TTC8: variants seen among roughly 807,000 people sequenced by gnomAD.
The protein encoded by TTC8 is tetratricopeptide repeat protein 8.
TTC8 carries 47 observed loss-of-function variants against 72.5 expected under a neutral mutation model. The observed-to-expected ratio is 0.65, with a 90% CI of 0.51 to 0.83. TTC8 has a LOEUF of 0.83. Ranked by LOEUF, TTC8 falls within the 40% of genes least tolerant of loss-of-function variation. The pLI is 0.00. For missense variants in TTC8, 611 were observed against 623.2 expected (o/e 0.98, Z 0.21); for synonymous variants, 199 against 221.4 (o/e 0.90, Z 0.90).
At chr14:88,866,180 A>C (rs1187258419) in intron 10 of TTC8, among the ~76,000 whole-genome samples, 1 of 152,184 alleles carries the variant, frequency 6.6e-6, no homozygotes, top group Non-Finnish European at 1.5e-5. Flanking sequence ...CATAATAGCA[A>C]AGATTGATAA....
At chr14:88,849,940 T>G (rs910697752) in intron 7 of TTC8, among the ~76,000 whole-genome samples, 2 of 152,178 alleles carry the variant, frequency 1.3e-5, no homozygotes. Context: ...TTCATCATCC[T>G]GAAGTTGTTA....
chr14:88,838,804 C>A (rs1207927094), intron 2 of TTC8, among the ~76,000 whole-genome samples: 1 of 152,044 alleles, frequency 6.6e-6, no homozygotes, highest in African/African-American at 2.4e-5. Flanking sequence ...TTTCTACTGA[C>A]TAGATCACAA....
rs553847423 is a variant in TTC8, at chr14:88,828,902, G to A, written c.114+4081G>A. On this transcript the variant is annotated intron_variant, in intron 1 of 14. Coordinates refer to ENST00000380656, the MANE Select transcript of TTC8 (RefSeq NM_144596.4). ...ATTATTGCCTTGTATTTTCTATTAG[G>A]ATTTCTGGATTTTATTTTTGATAGT... 6.6e-5 allele frequency among the ~76,000 whole-genome samples: 10 copies of A among 152,262 alleles called. No homozygotes were observed. In the South Asian group the frequency reaches 2.1e-3, roughly 32 times the overall value.
intron 9 of TTC8, among the ~76,000 whole-genome samples, chr14:88,858,723 AG>A (rs2141010283): frequency 6.9e-6 from 1 of 145,116 alleles, no homozygotes; most frequent in African/African-American, 2.6e-5. Context: ...CCTCCTGAGT[AG>A]CTGGGACCAC....
At chr14:88,863,077 GA>G (rs1194899976) in intron 10 of TTC8, among the ~76,000 whole-genome samples, 2 of 150,778 alleles carry the variant, frequency 1.3e-5, no homozygotes, top group African/African-American at 2.4e-5. Flanking sequence ...GAATGATGGG[GA>G]GGGGGTGGGT....
At position 88,872,375 on chromosome 14, in the gene TTC8, C is replaced by G. The variant is rs1299337597; in HGVS notation, c.1270C>G (p.Leu424Val). ...NLAHQCFRLA[L>V]VNNNNHAEAY... ...GGCCCATCAGTGCTTCAGGCTGGCT[C>G]TGGTCAACAACAACAACCACGCCGA... The change falls in exon 13 of 15, where the codon CTG (leucine) becomes GTG (valine). Residue 424 changes from leucine to valine, a missense_variant. Leu to Val is a conservative substitution (Grantham distance 32). Transcript: ENST00000380656. The G allele has an allele frequency of 6.2e-7, 1 of 1,614,002 alleles. No individual in the cohort carries two copies. Among genetic ancestry groups the G allele is most frequent in the Non-Finnish European group, 8.5e-7 (1 of 1,179,928 alleles).
At chr14:88,854,413 G>A (rs936805570) in intron 8 of TTC8, among the ~76,000 whole-genome samples, 2 of 152,164 alleles carry the variant, frequency 1.3e-5, no homozygotes, top group Non-Finnish European at 2.9e-5. Context: ...TTAATGGGCA[G>A]CTACTCTGCC....
rs1490715004 is a variant in TTC8, at chr14:88,841,183, T to C, written c.476T>C (p.Val159Ala). 8 of 1,614,034 alleles carry C rather than the reference T, an allele frequency of 5.0e-6. No homozygotes were observed. In the East Asian group the frequency reaches 1.8e-4, roughly 36 times the overall value. ...ATCACCAGCTCCTCCGGAAGATTTG[T>C]CAGGCTGGGAACGGTAAATTCTATC... ...RPITSSSGRF[V>A]RLGTASMLTS... The change falls in exon 5 of 15, where the codon GTC becomes GCC. Residue 159 changes from valine to alanine, a missense_variant. Coordinates refer to ENST00000380656, the MANE Select transcript of TTC8 (RefSeq NM_144596.4).
At chr14:88,849,044 G>T (rs527533548) in intron 7 of TTC8, among the ~76,000 whole-genome samples, 17 of 152,112 alleles carry the variant, frequency 1.1e-4, no homozygotes, top group African/African-American at 4.1e-4. Context: ...GGAGCAATTT[G>T]TTTTGTTCTT....
intron 10 of TTC8, among the ~76,000 whole-genome samples, chr14:88,862,052 C>G (rs976782379): frequency 6.6e-6 from 1 of 152,188 alleles, no homozygotes; most frequent in East Asian, 1.9e-4. Flanking sequence ...TGTGGAACCT[C>G]CATACTGTTT....
At chr14:88,872,114 G>T (rs1261915440) in intron 12 of TTC8, among the ~76,000 whole-genome samples, 1 of 152,150 alleles carries the variant, frequency 6.6e-6, no homozygotes, top group Non-Finnish European at 1.5e-5. Flanking sequence ...TCCAGGTTTG[G>T]CAGTAGTCTT....
chr14:88,881,029 A>G (rs2094970692), downstream of TTC8: 1 of 152,110 alleles, frequency 6.6e-6, no homozygotes, highest in South Asian at 2.1e-4. Context: ...CATATATATC[A>G]TTACAATCTT....
At chr14:88,825,450 C>T (rs772789534) in intron 1 of TTC8, among the ~76,000 whole-genome samples, 20 of 152,136 alleles carry the variant, frequency 1.3e-4, no homozygotes, top group Non-Finnish European at 2.2e-4. Context: ...GAAAGAAAGG[C>T]TCCTTACAAG....
intron 8 of TTC8, among the ~76,000 whole-genome samples, chr14:88,853,966 A>G: frequency 6.6e-6 from 1 of 152,180 alleles, no homozygotes; most frequent in East Asian, 1.9e-4. Flanking sequence ...TTCAGTTGTC[A>G]TTCAAGTACT....
At chr14:88,839,608 CCATTAAGAGGA>C (rs771283611) in intron 3 of TTC8, 36 bp downstream of exon 3, 1 of 1,607,518 alleles carries the variant, frequency 6.2e-7, no homozygotes, top group Admixed American at 1.7e-5. Context: ...TAATGAAATA[CCATTAAGAGGA>C]AGAATACTGT....
At chr14:88,861,432 G>A (rs1390010144) in intron 10 of TTC8, 100 bp downstream of exon 10, 2 of 843,522 alleles carry the variant, frequency 2.4e-6, no homozygotes, top group African/African-American at 3.4e-5. Context: ...AATGTGTAAT[G>A]ATCAAATCAG....
downstream of TTC8, chr14:88,878,399 T>C (rs999686856): frequency 6.6e-6 from 1 of 152,246 alleles, no homozygotes; most frequent in African/African-American, 2.4e-5. Context: ...CCATGTTATT[T>C]TTCATTTTTT....
intron 7 of TTC8, among the ~76,000 whole-genome samples, chr14:88,844,078 G>T (rs1358456927): frequency 4.0e-5 from 6 of 150,280 alleles, no homozygotes. Context: ...TCCAATAAAT[G>T]GGAAGATACA....
chr14:88,871,041 A>G lies in TTC8; in HGVS notation c.1050-508A>G, dbSNP rs1046081019. ...GTGTGAGAGCTAAGTGGATAATGTA[A>G]GGATCCGCTGATGGTCTTGTCTTCC... On this transcript the variant is annotated intron_variant, in intron 11 of 14. Transcript: ENST00000380656. The surrounding 1 kb of genome is among the most constrained non-coding windows in gnomAD (Gnocchi z 4.1). Among the ~76,000 whole-genome samples the G allele has an allele frequency of 2.6e-5, 4 of 152,238 alleles. No individual in the cohort carries two copies. The highest frequency in any genetic ancestry group is 4.8e-5 in the African/African-American group (2 of 41,466).
Sources: gnomAD v4.1 joint callset for allele counts (sites outside exome capture counted in the v4.1 genomes callset) on GRCh38, gnomAD v4.1.1 for gene constraint, Gnocchi (gnomAD v3.1) non-coding constraint, MANE v1.5 for transcripts, NCBI Gene and HGNC (gene_info 2026-07-23, HGNC 2026-07-21) for gene names.